Variants in ZPBP observed in about 807,000 individuals in gnomAD.
ZPBP encodes zona pellucida binding protein.
A neutral mutation model predicts 44.8 loss-of-function variants in ZPBP; 26 were observed. The observed-to-expected ratio is 0.58, with a 90% CI of 0.43 to 0.81. The LOEUF (loss-of-function observed/expected upper bound fraction) is 0.81, where lower values mean the gene tolerates loss of function less well. Among genes scored for constraint, ZPBP ranks in the 30% least tolerant of loss-of-function variants. The pLI, the probability that ZPBP is intolerant of heterozygous loss-of-function variation, is 0.00. For missense variants in ZPBP, 409 were observed against 434.0 expected (o/e 0.94, Z 0.51); for synonymous variants, 174 against 153.2 (o/e 1.14, Z -1.00).
chr7:49,850,174 A>G (rs1479629633), downstream of ZPBP, among the ~76,000 whole-genome samples: 1 of 152,262 alleles, frequency 6.6e-6, no homozygotes, highest in Admixed American at 6.5e-5. Context: ...AAGACTGAGC[A>G]TAGTACCACA....
At chr7:49,910,779 GAT>G (rs1346456281) in intron 1 of ZPBP, among the ~76,000 whole-genome samples, 5 of 152,130 alleles carry the variant, frequency 3.3e-5, no homozygotes. Context: ...AACTGTGAAA[GAT>G]AGACTCCTGC....
At chr7:50,075,178 T>C (rs1301382251) in intron 3 of ZPBP, among the ~76,000 whole-genome samples, 1 of 151,672 alleles carries the variant, frequency 6.6e-6, no homozygotes, top group Non-Finnish European at 1.5e-5. Context: ...GACCAGTGGG[T>C]TGTTAAAGAA....
chr7:50,082,717 A>G (rs1242919257), intron 2 of ZPBP, among the ~76,000 whole-genome samples: 4 of 151,806 alleles, frequency 2.6e-5, no homozygotes, highest in Non-Finnish European at 5.9e-5. Context: ...TTAGGTACAT[A>G]CCCTTCCACA....
At position 49,863,334 on chromosome 7, in the gene ZPBP, C is replaced by T. The variant is rs1021983111; in HGVS notation, n.510-12820G>A. Among the ~76,000 whole-genome samples the T allele has an allele frequency of 1.1e-4, 17 of 152,262 alleles. 1 individual carries two copies. In the East Asian group the frequency reaches 2.5e-3, roughly 22 times the overall value. On this transcript the variant is annotated intron_variant and non_coding_transcript_variant, in intron 2 of 2. Transcript: ENST00000465922. Reference sequence around the variant, plus strand: ...TCCTGATTTTAGTAATTTGTATCTTCTCTCTTTTTATCTTCGCCACTCCAG... The same window carrying T: ...TCCTGATTTTAGTAATTTGTATCTTTTCTCTTTTTATCTTCGCCACTCCAG...
At chr7:49,954,653 A>G (rs764827244) in intron 7 of ZPBP, among the ~76,000 whole-genome samples, 7 of 152,174 alleles carry the variant, frequency 4.6e-5, no homozygotes, top group Non-Finnish European at 8.8e-5. Flanking sequence ...TGTACTACAT[A>G]ATGATAGAGG....
intron 2 of ZPBP, among the ~76,000 whole-genome samples, chr7:49,883,174 T>G (rs1791745892): frequency 6.6e-6 from 1 of 152,042 alleles, no homozygotes; most frequent in Non-Finnish European, 1.5e-5. Flanking sequence ...TATGCAGGTT[T>G]GAGCTTGAGG....
At chr7:49,878,577 C>T (rs1791542608) in intron 2 of ZPBP, among the ~76,000 whole-genome samples, 1 of 152,072 alleles carries the variant, frequency 6.6e-6, no homozygotes, top group South Asian at 2.1e-4. Context: ...CTACTTTTTG[C>T]TCCTTTGTTT....
chr7:50,080,959 G>C (rs894703732), intron 3 of ZPBP, among the ~76,000 whole-genome samples: 7 of 151,670 alleles, frequency 4.6e-5, no homozygotes, highest in Non-Finnish European at 7.4e-5. Flanking sequence ...GAAAAACACA[G>C]ACTGACCCAA....
At chr7:50,050,738 G>A (rs1213306215) in intron 4 of ZPBP, among the ~76,000 whole-genome samples, 9 of 135,432 alleles carry the variant, frequency 6.6e-5, no homozygotes, top group African/African-American at 2.5e-4. Flanking sequence ...AACTCAAGAT[G>A]GATTGAAGCC....
At chr7:49,848,402 C>G (rs564011570), downstream of ZPBP, among the ~76,000 whole-genome samples, 130 of 152,328 alleles carry the variant, frequency 8.5e-4, no homozygotes, top group African/African-American at 3.0e-3. Flanking sequence ...TGTGTGAGAG[C>G]CGGGCATGGC....
intron 5 of ZPBP, among the ~76,000 whole-genome samples, chr7:50,021,246 A>G (rs1799078402): frequency 6.6e-6 from 1 of 152,124 alleles, no homozygotes; most frequent in African/African-American, 2.4e-5. Flanking sequence ...AATATGCTCA[A>G]AGAACTAAAG....
At chr7:50,007,198 C>A (rs1219851531) in intron 6 of ZPBP, among the ~76,000 whole-genome samples, 4 of 151,960 alleles carry the variant, frequency 2.6e-5, no homozygotes, top group African/African-American at 9.7e-5. Flanking sequence ...AAATAAATTT[C>A]TATTATTTAT....
At chr7:49,859,783 C>T (rs974839997) in intron 2 of ZPBP, among the ~76,000 whole-genome samples, 23 of 100,428 alleles carry the variant, frequency 2.3e-4, no homozygotes, top group Middle Eastern at 4.5e-3. Flanking sequence ...TTACAGTGCG[C>T]GTGCGTGCAC....
intron 2 of ZPBP, among the ~76,000 whole-genome samples, chr7:49,872,915 CAAAAAAAAAAAA>C (rs61473396): frequency 8.8e-5 from 3 of 33,946 alleles, no homozygotes; most frequent in Non-Finnish European, 1.1e-4. Context: ...GACTTTGTCT[CAAAAAAAAAAAA>C]AAAAAAAAAA....
At chr7:49,904,259 C>A (rs926849562) in intron 1 of ZPBP, among the ~76,000 whole-genome samples, 8 of 152,152 alleles carry the variant, frequency 5.3e-5, no homozygotes, top group Non-Finnish European at 7.4e-5. Context: ...TTACCGAGGA[C>A]TCCCATACCC....
At chr7:50,081,943 C>G in intron 2 of ZPBP, 44 bp from the exon 3 acceptor site, 1 of 1,596,830 alleles carries the variant, frequency 6.3e-7, no homozygotes, top group Non-Finnish European at 8.5e-7. Flanking sequence ...ATTTTATCTT[C>G]TTTTCTTTCT....
intron 6 of ZPBP, among the ~76,000 whole-genome samples, chr7:49,999,230 ATGTG>A (rs1797990280): frequency 6.8e-6 from 1 of 147,532 alleles, no homozygotes; most frequent in African/African-American, 2.5e-5. Context: ...ATATATATGC[ATGTG>A]TGTGTGTCTG....
rs1298784341 is a variant in ZPBP, at chr7:50,081,966, CT to C, written c.209-68del. The C allele has an allele frequency of 1.3e-5, 20 of 1,567,478 alleles. No individual in the cohort carries two copies. The African/African-American group carries it at 2.7e-4, about 21-fold the overall frequency. On this transcript the variant is annotated intron_variant, in intron 2 of 7. Transcript: ENST00000046087. The stretch of plus-strand genomic sequence containing the variant: ...TTCTTTTCTTTCTCTATAATGTACA[CT>C]TTTGTAGTTTGGGTTACATGCAATA...
At chr7:50,029,784 A>T (rs1348186091) in intron 5 of ZPBP, among the ~76,000 whole-genome samples, 4 of 152,170 alleles carry the variant, frequency 2.6e-5, no homozygotes, top group Non-Finnish European at 5.9e-5. Context: ...TCTATTGGAA[A>T]TAATCTCTTT....
Sources: gnomAD v4.1 joint callset for allele counts (sites outside exome capture counted in the v4.1 genomes callset) on GRCh38, gnomAD v4.1.1 for gene constraint, MANE v1.5 for transcripts, NCBI Gene and HGNC (gene_info 2026-07-23, HGNC 2026-07-21) for gene names.